RGS13: variants seen among roughly 807,000 people sequenced by gnomAD.
RGS13 encodes the protein regulator of G-protein signalling 13.
In RGS13, 14 loss-of-function variants were observed where a neutral mutation model predicts 19.9. The observed-to-expected ratio is 0.70, with a 90% CI of 0.46 to 1.10. The LOEUF (loss-of-function observed/expected upper bound fraction) is 1.10. Among genes scored for constraint, RGS13 ranks in the 50% least tolerant of loss-of-function variants. The pLI, the probability that RGS13 is intolerant of heterozygous loss-of-function variation, is 0.00. For missense variants in RGS13, 205 were observed against 187.1 expected, an observed-to-expected ratio of 1.10 and a Z score of -0.56; for synonymous variants, 60 against 56.8, an observed-to-expected ratio of 1.06 and a Z score of -0.25.
In RGS13 at chr1:192,647,954, G is replaced by T; in HGVS notation, c.94G>T (p.Ala32Ser). The T allele has an allele frequency of 6.2e-7, 1 of 1,600,850 alleles. No homozygotes were observed. The highest frequency in any genetic ancestry group is 8.5e-7 in the Non-Finnish European group (1 of 1,172,722). Residue 32 changes from alanine to serine, a missense_variant, in exon 5 of 7, where the codon GCC becomes TCC. Coordinates refer to ENST00000391995, the MANE Select transcript of RGS13 (RefSeq NM_002927.5). ...TACTTTGGAGGAAGTATTACAGTGG[G>T]CCCAGTCTTTTGAAAATTTAATGGC... Reference protein sequence around the residue: ...NLTLEEVLQWAQSFENLMATK... With the variant: ...NLTLEEVLQWSQSFENLMATK...
intron 5 of RGS13, among the ~76,000 whole-genome samples, chr1:192,652,955 G>T: frequency 6.6e-6 from 1 of 151,888 alleles, no homozygotes; most frequent in East Asian, 1.9e-4. Context: ...AATGTTGAGG[G>T]GGATAAATAA....
intron 4 of RGS13, 89 bp downstream of exon 4, chr1:192,644,488 A>G: frequency 5.0e-6 from 5 of 1,000,188 alleles, no homozygotes; most frequent in Non-Finnish European, 6.2e-6. Context: ...CTATTGTAAC[A>G]TATTTTGTTC....
At chr1:192,651,633 GA>G (rs901080891) in intron 5 of RGS13, among the ~76,000 whole-genome samples, 1 of 148,950 alleles carries the variant, frequency 6.7e-6, no homozygotes, top group Non-Finnish European at 1.5e-5. Flanking sequence ...GAGGGAACCA[GA>G]AAAAAAATTG....
rs564926129 is a variant in RGS13, at chr1:192,648,585, C to T, written c.127+598C>T. Among the ~76,000 whole-genome samples the T allele has an allele frequency of 4.6e-5, 7 of 151,868 alleles. No individual in the cohort carries two copies. In the East Asian group the frequency reaches 7.8e-4, roughly 17 times the overall value. On this transcript the variant is annotated intron_variant, in intron 5 of 6. Transcript: ENST00000391995. ...GCGTTTGGGGTCAGAAAAGCTGGTC[C>T]GTTGTAGAAAATGATAAAACCAGAA...
At chr1:192,655,022 C>T (rs1481725754) in intron 5 of RGS13, among the ~76,000 whole-genome samples, 1 of 152,076 alleles carries the variant, frequency 6.6e-6, no homozygotes, top group Non-Finnish European at 1.5e-5. Context: ...AACTTCAGAA[C>T]AGCCTACATT....
chr1:192,652,243 G>A (rs115347331), intron 5 of RGS13, among the ~76,000 whole-genome samples: 118 of 152,134 alleles, frequency 7.8e-4, no homozygotes, highest in Middle Eastern at 6.8e-3. Context: ...CATCTGTGTG[G>A]GCTGGTGCAT....
intron 3 of RGS13, among the ~76,000 whole-genome samples, chr1:192,639,382 A>G (rs1406967537): frequency 1.3e-5 from 2 of 152,098 alleles, no homozygotes; most frequent in South Asian, 2.1e-4. Flanking sequence ...ACACACCCAG[A>G]TGTCTGTAAA....
intron 3 of RGS13, among the ~76,000 whole-genome samples, chr1:192,641,124 G>A (rs184289836): frequency 1.5e-5 from 2 of 134,524 alleles, no homozygotes; most frequent in African/African-American, 2.8e-5. Flanking sequence ...AGAGAAAGAA[G>A]GAAAGATGGA....
chr1:192,656,552 C>T (rs1232174324), intron 5 of RGS13, among the ~76,000 whole-genome samples: 1 of 152,014 alleles, frequency 6.6e-6, no homozygotes, highest in Non-Finnish European at 1.5e-5. Flanking sequence ...ATATATCCCC[C>T]TCACATTGGA....
rs71111415 is a variant in RGS13, at chr1:192,641,245, A to AAAGG, written c.-5+3044_-5+3045insGGAA. 7.0e-5 allele frequency among the ~76,000 whole-genome samples: 6 copies of AAAGG among 86,142 alleles called. 1 individual carries two copies. The highest frequency in any genetic ancestry group is 1.3e-4 in the Admixed American group (1 of 7,850). The allele number at this position is 86,142 out of a possible 152,430, so 56.5% of individuals were successfully genotyped here. ...GAGAGAAAGAAAGAAAGAAAGAAAG[A>AAAGG]AAAGAAAGAAAAGAAAGAAAGAAAG... is the stretch of plus-strand genomic sequence containing the variant. On this transcript the variant is annotated intron_variant, in intron 3 of 6. Transcript: ENST00000391995.
intron 4 of RGS13, chr1:192,647,710 G>C: frequency 4.4e-6 from 1 of 227,998 alleles, no homozygotes; most frequent in Non-Finnish European, 8.4e-6. Context: ...ATATTTTCAA[G>C]TCTACACTAT....
At chr1:192,643,814 T>C (rs1663167712) in intron 3 of RGS13, among the ~76,000 whole-genome samples, 1 of 151,988 alleles carries the variant, frequency 6.6e-6, no homozygotes, top group Non-Finnish European at 1.5e-5. Flanking sequence ...TAGCCAGTCA[T>C]GGTGGCGCAT....
chr1:192,637,207 C>T (rs1663031151), intron 1 of RGS13, among the ~76,000 whole-genome samples: 1 of 151,622 alleles, frequency 6.6e-6, no homozygotes, highest in South Asian at 2.1e-4. Flanking sequence ...ATCGTGGAGA[C>T]CTAAACTTGT....
intron 6 of RGS13, 41 bp from the exon 7 acceptor site, chr1:192,659,297 C>G: frequency 3.4e-6 from 5 of 1,486,808 alleles, no homozygotes; most frequent in Non-Finnish European, 3.7e-6. Context: ...TTTTTTTCAA[C>G]TATGCTAACT....
intron 5 of RGS13, among the ~76,000 whole-genome samples, chr1:192,652,814 T>A (rs548946150): frequency 6.6e-6 from 1 of 152,096 alleles, no homozygotes; most frequent in East Asian, 1.9e-4. Flanking sequence ...TAGCAAGCAG[T>A]GTTGAGGCAC....
At chr1:192,641,254 A>AAAAGAAGG (rs1663109937) in intron 3 of RGS13, among the ~76,000 whole-genome samples, 1 of 67,390 alleles carries the variant, frequency 1.5e-5, no homozygotes, top group Non-Finnish European at 3.1e-5. Context: ...GAAAAGAAAG[A>AAAAGAAGG]AAAGAAAGAA....
intron 5 of RGS13, among the ~76,000 whole-genome samples, chr1:192,651,607 G>C (rs1434775245): frequency 1.3e-5 from 2 of 152,004 alleles, no homozygotes; most frequent in Non-Finnish European, 2.9e-5. Context: ...TGCAAAGTAG[G>C]AAGAAGCAAA....
rs189656575 is a variant in RGS13 at position 192,641,750 on chromosome 1, A to G, written c.-4-2581A>G. Among the ~76,000 whole-genome samples, 3 of 152,250 alleles carry G rather than the reference A, an allele frequency of 2.0e-5. No individual in the cohort carries two copies. The East Asian group carries it at 5.8e-4, about 29-fold the overall frequency. Reference sequence around the variant, plus strand: ...TCATATTGGGCTGTCTGCTTTTTACAGTTCACACCGTCTTCCTGGACGATC... The same window carrying G: ...TCATATTGGGCTGTCTGCTTTTTACGGTTCACACCGTCTTCCTGGACGATC... On this transcript the variant is annotated intron_variant, in intron 3 of 6. Coordinates refer to ENST00000391995, the MANE Select transcript of RGS13 (RefSeq NM_002927.5).
At chr1:192,657,531 G>T (rs1266256160) in intron 5 of RGS13, among the ~76,000 whole-genome samples, 1 of 152,252 alleles carries the variant, frequency 6.6e-6, no homozygotes, top group African/African-American at 2.4e-5. Flanking sequence ...CAAGTGTTAT[G>T]TGATGGTTAC....
Sources: allele counts gnomAD v4.1 joint callset (sites outside exome capture counted in the v4.1 genomes callset), GRCh38; gene constraint gnomAD v4.1.1; transcripts MANE v1.5; gene names NCBI Gene and HGNC (gene_info 2026-07-23, HGNC 2026-07-21).